The following ZNF704 variants were observed in gnomAD, a reference collection of about 807,000 sequenced individuals.
ZNF704 encodes zinc finger protein 704.
A neutral mutation model predicts 44.7 loss-of-function variants in ZNF704; 10 were observed. The ratio of observed to expected loss-of-function variants is 0.22; its 90% CI spans 0.14 to 0.38. The LOEUF is 0.38. Among genes scored for constraint, ZNF704 ranks in the 10% least tolerant of loss-of-function variants. The pLI is 1.00. For synonymous variants in ZNF704, 211 were observed against 207.6 expected (o/e 1.02, Z -0.14); for missense variants, 390 against 545.5 (o/e 0.71, Z 2.84).
intron 1 of ZNF704, among the ~76,000 whole-genome samples, chr8:80,848,793 T>C (rs2129991460): frequency 6.6e-6 from 1 of 150,908 alleles, no homozygotes; most frequent in African/African-American, 2.4e-5. Context: ...TTTTAAAAAC[T>C]AAAAGAAAAG....
chr8:80,835,932 C>T (rs1457742995), intron 1 of ZNF704, among the ~76,000 whole-genome samples: 2 of 152,204 alleles, frequency 1.3e-5, no homozygotes, highest in African/African-American at 4.8e-5. Flanking sequence ...TCACTTCTTA[C>T]AGCCTCCAGT....
chr8:80,648,375 C>T (rs1817864728), intron 7 of ZNF704, among the ~76,000 whole-genome samples: 2 of 152,124 alleles, frequency 1.3e-5, no homozygotes, highest in African/African-American at 4.8e-5. Flanking sequence ...CAGTAGGAGG[C>T]TCAATATGAC....
intron 2 of ZNF704, among the ~76,000 whole-genome samples, chr8:80,715,679 C>T (rs1819062077): frequency 6.6e-6 from 1 of 152,140 alleles, no homozygotes; most frequent in Admixed American, 6.5e-5. Context: ...AACACAGATG[C>T]TCAGCTTCAA....
In ZNF704 at chr8:80,825,457, A is replaced by C. The variant is rs181779166; in HGVS notation, c.-21-3842T>G. ...CTTAGAGACTTACAAAGAGACTTAG[A>C]CTCCCACACAATAATAATGGGAGAC... On this transcript the variant is annotated intron_variant, in intron 1 of 8. Transcript: ENST00000327835. Among the ~76,000 whole-genome samples the C allele has an allele frequency of 1.1e-3, 172 of 152,276 alleles. 1 individual carries two copies. Among genetic ancestry groups the C allele is most frequent in the African/African-American group, 3.9e-3 (162 of 41,546 alleles).
At chr8:80,863,001 T>A (rs1318557041) in intron 1 of ZNF704, among the ~76,000 whole-genome samples, 1 of 151,560 alleles carries the variant, frequency 6.6e-6, no homozygotes, top group Non-Finnish European at 1.5e-5. Context: ...TAAGCTACAG[T>A]GTTTGTTCAG....
At chr8:80,788,512 TA>T (rs1455350740) in intron 2 of ZNF704, among the ~76,000 whole-genome samples, 1 of 152,196 alleles carries the variant, frequency 6.6e-6, no homozygotes, top group African/African-American at 2.4e-5. Context: ...CTGGAAGGCA[TA>T]GGGGTAGAAT....
intron 1 of ZNF704, among the ~76,000 whole-genome samples, chr8:80,866,958 C>T (rs1448736219): frequency 6.6e-6 from 1 of 152,156 alleles, no homozygotes; most frequent in Non-Finnish European, 1.5e-5. Flanking sequence ...TAGGGCTTGA[C>T]TTCTTGCTTT....
intron 5 of ZNF704, among the ~76,000 whole-genome samples, chr8:80,669,605 A>C (rs937836590): frequency 6.6e-6 from 1 of 152,168 alleles, no homozygotes; most frequent in Non-Finnish European, 1.5e-5. Flanking sequence ...AGCATTTTCT[A>C]AATGTATCCC....
intron 1 of ZNF704, among the ~76,000 whole-genome samples, chr8:80,859,181 C>G (rs899380965): frequency 6.6e-6 from 1 of 152,106 alleles, no homozygotes; most frequent in African/African-American, 2.4e-5. Flanking sequence ...TAAATTGACT[C>G]TTAGCATTGT....
chr8:80,642,763 C>G (rs904065155), intron 8 of ZNF704, among the ~76,000 whole-genome samples: 3 of 152,066 alleles, frequency 2.0e-5, no homozygotes, highest in Non-Finnish European at 2.9e-5. Context: ...TACAACATGG[C>G]TCCAAATAGA....
intron 2 of ZNF704, among the ~76,000 whole-genome samples, chr8:80,770,111 A>C (rs551746205): frequency 1.3e-5 from 2 of 152,286 alleles, no homozygotes; most frequent in South Asian, 4.1e-4. Flanking sequence ...ACCTGCCCCC[A>C]TGATTCAATT....
At chr8:80,849,719 G>T (rs191001033) in intron 1 of ZNF704, among the ~76,000 whole-genome samples, 2 of 152,314 alleles carry the variant, frequency 1.3e-5, no homozygotes, top group African/African-American at 4.8e-5. Context: ...TCTGGCAAGG[G>T]TGATGGATTT....
intron 5 of ZNF704, among the ~76,000 whole-genome samples, chr8:80,669,477 AGCCTG>A (rs1455674236): frequency 6.6e-6 from 1 of 152,194 alleles, no homozygotes; most frequent in Non-Finnish European, 1.5e-5. Context: ...CCCAAACATC[AGCCTG>A]GATGATTAGA....
chr8:80,702,307 T>C (rs1452459366), intron 2 of ZNF704, among the ~76,000 whole-genome samples: 1 of 152,088 alleles, frequency 6.6e-6, no homozygotes, highest in African/African-American at 2.4e-5. Context: ...GACATTGCCA[T>C]GCTTAAGGTT....
chr8:80,745,521 G>A (rs1459787125), intron 2 of ZNF704, among the ~76,000 whole-genome samples: 4 of 152,158 alleles, frequency 2.6e-5, no homozygotes, highest in African/African-American at 9.7e-5. Flanking sequence ...ATAATGCCCA[G>A]TATCTTAATA....
chr8:80,821,876 G>T (rs2129883530), intron 1 of ZNF704, among the ~76,000 whole-genome samples: 1 of 152,250 alleles, frequency 6.6e-6, no homozygotes, highest in Non-Finnish European at 1.5e-5. Context: ...ACAAAGATTT[G>T]AAAAGTGTAA....
At chr8:80,733,758 C>T (rs375013353) in intron 2 of ZNF704, among the ~76,000 whole-genome samples, 70 of 152,318 alleles carry the variant, frequency 4.6e-4, no homozygotes, top group South Asian at 1.5e-3. Flanking sequence ...GCAGATTCAC[C>T]TCTCTATTTC....
chr8:80,805,903 C>T (rs1807982206), intron 2 of ZNF704, among the ~76,000 whole-genome samples: 2 of 152,212 alleles, frequency 1.3e-5, no homozygotes, highest in Admixed American at 1.3e-4. Context: ...TCTCCCTAAG[C>T]TGCCACCTGC....
Position 80,675,473 on chromosome 8 carries a change from G to GTTT in ZNF704, c.559-4873_559-4871dup, listed in dbSNP as rs111402539. ...CACTGTATGACTTAAGTTTTGTTTT[G>GTTT]TTTTTTTTTTTAATATTACTCTGTT... On this transcript the variant is annotated intron_variant, in intron 4 of 8. Transcript: ENST00000327835. Among the ~76,000 whole-genome samples, 842 of 147,606 alleles carry GTTT rather than the reference G, an allele frequency of 5.7e-3. 7 individuals carry two copies. Among genetic ancestry groups the GTTT allele is most frequent in the African/African-American group, 0.02 (817 of 40,876 alleles).
Sources: gnomAD v4.1 joint callset for allele counts (sites outside exome capture counted in the v4.1 genomes callset) on GRCh38, gnomAD v4.1.1 for gene constraint, MANE v1.5 for transcripts, NCBI Gene and HGNC (gene_info 2026-07-23, HGNC 2026-07-21) for gene names.